TBC1D9B: variants seen among roughly 807,000 people sequenced by gnomAD.
TBC1D9B encodes the protein TBC1 domain family member 9B.
Under a neutral mutation model 121.1 loss-of-function variants are expected in TBC1D9B, and 87 were observed. The ratio of observed to expected loss-of-function variants is 0.72; its 90% CI spans 0.60 to 0.86. TBC1D9B has a LOEUF of 0.86. Ranked by LOEUF, TBC1D9B falls within the 40% of genes least tolerant of loss-of-function variation. The probability of loss-of-function intolerance (pLI) is 0.00; values close to 1 mark genes in which losing one functional copy is unlikely to be tolerated. For missense variants in TBC1D9B, 1,540 were observed against 1,628.6 expected (o/e 0.95, Z 0.94); for synonymous variants, 668 against 670.1 (o/e 1.00, Z 0.05).
At position 179,865,642 on chromosome 5, in the gene TBC1D9B, G is replaced by C; in HGVS notation, c.2914+196C>G. 3 of 650,430 alleles carry C rather than the reference G, an allele frequency of 4.6e-6. No homozygotes were observed. 40.3% of individuals were successfully genotyped at this position (650,430 alleles called of 1,614,324 possible). ...AGCTGGAGAGAAGCTGGCAAGAGAGGGCTGGCTGGGTGCCCGTGGGGCTGG... is the reference window on the plus strand; with the variant it reads ...AGCTGGAGAGAAGCTGGCAAGAGAGCGCTGGCTGGGTGCCCGTGGGGCTGG... On this transcript the variant is annotated intron_variant, in intron 19 of 20. Coordinates refer to ENST00000355235, the MANE Select transcript of TBC1D9B (RefSeq NM_015043.4). This position sits in a 1 kb window ranked among gnomAD's most constrained non-coding sequence, Gnocchi z 5.1.
rs1406318597 is a variant in TBC1D9B, at chr5:179,863,358, T to C, written c.*90A>G. 2.1e-6 allele frequency: 3 copies of C among 1,459,084 alleles called. No homozygotes were observed. Among genetic ancestry groups the C allele is most frequent in the Non-Finnish European group, 2.8e-6 (3 of 1,078,952 alleles). The allele number at this position is 1,459,084 out of a possible 1,614,324, so 90.4% of individuals were successfully genotyped here. A position where few individuals can be genotyped will look rare whatever the true frequency, so the allele number is the denominator to read the frequency against. On this transcript the variant is annotated 3_prime_UTR_variant, in exon 21 of 21. Coordinates refer to ENST00000355235, the MANE Select transcript of TBC1D9B (RefSeq NM_015043.4). The surrounding 1 kb of genome is among the most constrained non-coding windows in gnomAD (Gnocchi z 4.5). ...TGGGAGAGCAGGAGGGGCACACCTT[T>C]AAAGAGAAACTGATAAGGGAGGAAA... is the stretch of plus-strand genomic sequence containing the variant.
At chr5:179,869,892 G>T in intron 16 of TBC1D9B, 58 bp from the exon 17 acceptor site, 2 of 1,483,360 alleles carry the variant, frequency 1.3e-6, no homozygotes, top group Admixed American at 2.3e-5. Flanking sequence ...GCCCCTTCCA[G>T]GGGGTCCGAG....
Position 179,893,148 on chromosome 5 carries a change from C to T in TBC1D9B, c.836+61G>A, listed in dbSNP as rs561763668. 8 of 1,537,326 alleles carry T rather than the reference C, an allele frequency of 5.2e-6. No individual in the cohort carries two copies. The East Asian group carries it at 1.6e-4, about 30-fold the overall frequency. On this transcript the variant is annotated intron_variant, in intron 5 of 20. Coordinates refer to ENST00000355235, the MANE Select transcript of TBC1D9B (RefSeq NM_015043.4). ...TCTACACACTTGGACCAGGCAGGTC[C>T]CAGCCAAGGTCAGCGAACCTGGCTC...
At chr5:179,869,576 C>A (rs908173037) in intron 17 of TBC1D9B, 193 bp downstream of exon 17, 2 of 710,578 alleles carry the variant, frequency 2.8e-6, no homozygotes, top group African/African-American at 3.5e-5. Context: ...CGTCCCTTCC[C>A]AGGCCAAGGC....
At chr5:179,886,741 C>T (rs1365739726) in intron 7 of TBC1D9B, among the ~76,000 whole-genome samples, 1 of 152,230 alleles carries the variant, frequency 6.6e-6, no homozygotes, top group African/African-American at 2.4e-5. Context: ...TGGGCACTGA[C>T]TTTTCTAGAG....
rs1245775758 is a variant in TBC1D9B at position 179,870,239 on chromosome 5, C to T, written c.2725+16G>A. The stretch of plus-strand genomic sequence containing the variant: ...GAGGGAGGGTCAAGCCCCTGGTAGG[C>T]CCTGCAGGCACTCACTCATCCCTGT... On this transcript the variant is annotated intron_variant, in intron 16 of 20. Transcript: ENST00000355235. 6.2e-7 allele frequency: 1 copy of T among 1,613,464 alleles called. No homozygotes were observed. Among genetic ancestry groups the T allele is most frequent in the East Asian group, 2.2e-5 (1 of 44,874 alleles).
chr5:179,898,997 G>A (rs13436232), intron 3 of TBC1D9B, among the ~76,000 whole-genome samples, 192 bp downstream of exon 3: 2,918 of 152,234 alleles, frequency 0.019, 60 homozygotes, highest in African/African-American at 0.06. Context: ...GCCCACCCAG[G>A]GTAAGAAGGG....
At chr5:179,866,001 G>A (rs760164824) in intron 18 of TBC1D9B, 113 bp from the exon 19 acceptor site, 108 of 1,325,658 alleles carry the variant, frequency 8.1e-5, no homozygotes, top group Non-Finnish European at 1.1e-4. Context: ...CCCCAGGCCA[G>A]GCCCTGGGGA....
rs538243947 is a variant in TBC1D9B at position 179,885,622 on chromosome 5, G to A, written c.1254+2481C>T. Among the ~76,000 whole-genome samples, 5 of 151,806 alleles carry A rather than the reference G, an allele frequency of 3.3e-5. No homozygotes were observed. The highest frequency in any genetic ancestry group is 2.1e-4 in the South Asian group (1 of 4,808). On this transcript the variant is annotated intron_variant, in intron 7 of 20. Coordinates refer to ENST00000355235, the MANE Select transcript of TBC1D9B (RefSeq NM_015043.4). This position sits in a 1 kb window ranked among gnomAD's most constrained non-coding sequence, Gnocchi z 4.5. ...AAAAAAAAAGATGGAGGTATTTTACGTTTTTCTTTTCATACGAAGTCTCCA... is the reference window on the plus strand; with the variant it reads ...AAAAAAAAAGATGGAGGTATTTTACATTTTTCTTTTCATACGAAGTCTCCA...
rs1431959207 is a variant in TBC1D9B at position 179,875,381 on chromosome 5, C to A, written c.1901-194G>T. 6.6e-6 allele frequency among the ~76,000 whole-genome samples: 1 copy of A among 152,094 alleles called. No homozygotes were observed. The highest frequency in any genetic ancestry group is 6.5e-5 in the Admixed American group (1 of 15,276). On this transcript the variant is annotated intron_variant, in intron 11 of 20. Coordinates refer to ENST00000355235, the MANE Select transcript of TBC1D9B (RefSeq NM_015043.4). This position sits in a 1 kb window ranked among gnomAD's most constrained non-coding sequence, Gnocchi z 4.5. ...TCTCTACAGCTCCCAAACCACTGGG[C>A]GAAATAACTATTTCTTCTACTACAC...
intron 1 of TBC1D9B, among the ~76,000 whole-genome samples, chr5:179,906,941 T>C (rs913834329): frequency 6.6e-6 from 1 of 152,212 alleles, no homozygotes; most frequent in Non-Finnish European, 1.5e-5. Flanking sequence ...GCGCAGGCCC[T>C]GGAGCATGAG....
intron 1 of TBC1D9B, among the ~76,000 whole-genome samples, chr5:179,905,308 C>T (rs999501134): frequency 2.6e-5 from 4 of 152,224 alleles, no homozygotes; most frequent in Admixed American, 6.5e-5. Context: ...CTGTACTCAT[C>T]GCTTCTTCAC....
intron 9 of TBC1D9B, among the ~76,000 whole-genome samples, chr5:179,878,838 A>G (rs930236221): frequency 2.0e-5 from 3 of 152,186 alleles, no homozygotes; most frequent in Admixed American, 6.5e-5. Context: ...CAGAGTGCCC[A>G]TTCCCCAGCC....
At chr5:179,884,731 C>G (rs973269402) in intron 7 of TBC1D9B, among the ~76,000 whole-genome samples, 3 of 152,176 alleles carry the variant, frequency 2.0e-5, no homozygotes, top group African/African-American at 7.2e-5. Flanking sequence ...GAGGACATCA[C>G]GCTGAATGAA....
chr5:179,888,286 G>A lies in TBC1D9B; in HGVS notation c.1071C>T (p.Ser357=). The A allele has an allele frequency of 6.2e-7, 1 of 1,610,368 alleles. No homozygotes were observed. The highest frequency in any genetic ancestry group is 1.1e-5 in the South Asian group (1 of 90,616). ...REVTIVEKAD[S]SSVLPSPLSI... The stretch of plus-strand genomic sequence containing the variant: ...ACAGGGGGCTGGGCAGCACGCTGGA[G>A]CTGTCAGCTTTTTCGACAATGGTCA... Residue 357 remains serine (S), a synonymous_variant, in exon 7 of 21, where the codon AGC becomes AGT. Transcript: ENST00000355235.
rs1169738320 is a variant in TBC1D9B at position 179,874,877 on chromosome 5, CAGG to C, written c.2186+22_2186+24del. 5.6e-6 allele frequency: 9 copies of C among 1,607,992 alleles called. No homozygotes were observed. The highest frequency in any genetic ancestry group is 2.2e-5 in the South Asian group (2 of 90,756). On this transcript the variant is annotated intron_variant, in intron 12 of 20. Transcript: ENST00000355235. This position sits in a 1 kb window ranked among gnomAD's most constrained non-coding sequence, Gnocchi z 4.3. ...GAGGGGTTCTGCTGTGAGCCCCCAG[CAGG>C]AGAAGGAACCCGGCATGTCACCTGC...
chr5:179,902,650 G>C lies in TBC1D9B; in HGVS notation c.229+2052C>G, dbSNP rs549591772. On this transcript the variant is annotated intron_variant, in intron 2 of 20. Transcript: ENST00000355235. This position sits in a 1 kb window ranked among gnomAD's most constrained non-coding sequence, Gnocchi z 4.9. ...TAAAGGGATTCCCACTCTGCCCCTC[G>C]TACTTTTCTCTCCCCAGGGACGGGC... is the stretch of plus-strand genomic sequence containing the variant. Among the ~76,000 whole-genome samples the C allele has an allele frequency of 2.0e-5, 3 of 152,220 alleles. No individual in the cohort carries two copies. The East Asian group carries it at 5.8e-4, about 29-fold the overall frequency.
rs900481980 is a variant in TBC1D9B, at chr5:179,907,415, C to A, written c.118+289G>T. On this transcript the variant is annotated intron_variant, in intron 1 of 20. Coordinates refer to ENST00000355235, the MANE Select transcript of TBC1D9B (RefSeq NM_015043.4). The surrounding 1 kb of genome is among the most constrained non-coding windows in gnomAD (Gnocchi z 5.3). The stretch of plus-strand genomic sequence containing the variant: ...CCCCCGGGGCTCGCGGGCGCCGAAT[C>A]CGGGCAGAAGCCGCCGCCGGTCTCC... Among the ~76,000 whole-genome samples, 5 of 151,524 alleles carry A rather than the reference C, an allele frequency of 3.3e-5. No homozygotes were observed. Among genetic ancestry groups the A allele is most frequent in the African/African-American group, 1.2e-4 (5 of 41,498 alleles).
At chr5:179,895,736 C>T (rs1163277956) in intron 3 of TBC1D9B, among the ~76,000 whole-genome samples, 1 of 152,218 alleles carries the variant, frequency 6.6e-6, no homozygotes, top group Non-Finnish European at 1.5e-5. Context: ...GCTGGGCCAC[C>T]CCCGATCCCT....
Sources: allele counts gnomAD v4.1 joint callset (sites outside exome capture counted in the v4.1 genomes callset), GRCh38; gene constraint gnomAD v4.1.1; non-coding constraint Gnocchi (gnomAD v3.1); transcripts MANE v1.5; gene names NCBI Gene and HGNC (gene_info 2026-07-23, HGNC 2026-07-21).